FGD5: variants seen among roughly 807,000 people sequenced by gnomAD.
FGD5 encodes FYVE, RhoGEF and PH domain-containing protein 5.
In FGD5, 28 loss-of-function variants were observed where a neutral mutation model predicts 133.4. The ratio of observed to expected loss-of-function variants is 0.21; its 90% confidence interval spans 0.16 to 0.29. FGD5 has a LOEUF of 0.29. FGD5 is among the 10% of genes least tolerant of loss of function. The pLI is 1.00. For synonymous variants in FGD5, 810 were observed against 776.5 expected (o/e 1.04, Z -0.72); for missense variants, 1,858 against 1,895.2 (o/e 0.98, Z 0.36).
chr3:14,927,180 G>C (rs577364336), intron 18 of FGD5, among the ~76,000 whole-genome samples: 4 of 152,352 alleles, frequency 2.6e-5, no homozygotes, highest in Non-Finnish European at 5.9e-5. Context: ...CCATAGGCCT[G>C]AGCGGCTTGG....
intron 2 of FGD5, among the ~76,000 whole-genome samples, chr3:14,870,460 C>T (rs971870231): frequency 9.9e-5 from 15 of 152,198 alleles, no homozygotes; most frequent in African/African-American, 3.4e-4. Context: ...ACCCCTCTTA[C>T]ACAAGCCCTG....
intron 1 of FGD5, among the ~76,000 whole-genome samples, chr3:14,848,075 A>C (rs2037085215): frequency 6.6e-6 from 1 of 152,132 alleles, no homozygotes; most frequent in African/African-American, 2.4e-5. Flanking sequence ...GGTCCTCCCC[A>C]GGGAGGAAGT....
In FGD5 at chr3:14,821,365, C is replaced by T; in HGVS notation, c.2294C>T (p.Ser765Phe). 6.2e-7 allele frequency: 1 copy of T among 1,614,050 alleles called. No individual in the cohort carries two copies. ...PLPLTKPRSISFPSADTSDYE... is the reference protein window; with the variant it reads ...PLPLTKPRSIFFPSADTSDYE... ...CCACTGACCAAGCCACGGTCCATCT[C>T]CTTCCCCAGCGCTGACACTTCAGAC... The change falls in exon 1 of 20, where the codon TCC becomes TTC. Residue 765 changes from serine to phenylalanine, a missense_variant. This residue lies in a region of FGD5 where 1,824 missense variants were observed against 1,848.9 expected (regional missense o/e 0.99). Coordinates refer to ENST00000285046, the MANE Select transcript of FGD5 (RefSeq NM_152536.4).
intron 11 of FGD5, among the ~76,000 whole-genome samples, chr3:14,916,965 A>G (rs939420290): frequency 2.0e-5 from 3 of 152,244 alleles, no homozygotes; most frequent in African/African-American, 7.2e-5. Context: ...GCAGATAGAC[A>G]TTGGAATTGT....
chr3:14,836,591 A>G (rs1019414293), intron 1 of FGD5, among the ~76,000 whole-genome samples: 1 of 152,048 alleles, frequency 6.6e-6, no homozygotes, highest in Non-Finnish European at 1.5e-5. Context: ...CTCAGCCTTG[A>G]GGGTGGGAGG....
chr3:14,818,861 A>C (rs181715363), upstream of FGD5: 1,950 of 1,328,456 alleles, frequency 1.5e-3, 23 homozygotes, highest in African/African-American at 0.024. Context: ...GGACGGAACC[A>C]TCTGTGGCGT....
At chr3:14,919,478 C>T (rs188712588) in intron 13 of FGD5, among the ~76,000 whole-genome samples, 55 of 152,216 alleles carry the variant, frequency 3.6e-4, no homozygotes, top group Middle Eastern at 3.4e-3. Context: ...ATTAGCCGGG[C>T]GTGGTGGCAG....
In FGD5 at chr3:14,820,208, G is replaced by A; in HGVS notation, c.1137G>A (p.Lys379=). 1 of 1,611,780 alleles carries A rather than the reference G, an allele frequency of 6.2e-7. No individual in the cohort carries two copies. The highest frequency in any genetic ancestry group is 1.3e-5 in the African/African-American group (1 of 74,984). The part of the protein sequence containing the change: ...AKGLESEQAP[K]LGLRAEENPM... ...GTTTAGAATCAGAGCAGGCACCAAAGCTGGGGCTGCGTGCGGAGGAGAACC... is the reference window on the plus strand; with the variant it reads ...GTTTAGAATCAGAGCAGGCACCAAAACTGGGGCTGCGTGCGGAGGAGAACC... The change falls in exon 1 of 20, where the codon AAG becomes AAA. Residue 379 remains lysine (K), a synonymous_variant. Transcript: ENST00000285046.
Position 14,820,390 on chromosome 3 carries a change from C to T in FGD5, c.1319C>T (p.Ala440Val), listed in dbSNP as rs776874607. Residue 440 changes from alanine (A) to valine (V), a missense_variant, in exon 1 of 20, where the codon GCG (alanine) becomes GTG (valine). Around this residue, in one of 3 missense-constraint regions of FGD5, gnomAD observed 1,824 missense variants for 1,848.9 expected, o/e 0.99. Coordinates refer to ENST00000285046, the MANE Select transcript of FGD5 (RefSeq NM_152536.4). Reference protein sequence around the residue: ...YVMGVGLPGQAAPGEGGQAAS... With the variant: ...YVMGVGLPGQVAPGEGGQAAS... ...ATGGGAGTGGGCCTGCCCGGTCAGG[C>T]GGCCCCTGGAGAAGGAGGGCAGGCT... The T allele has an allele frequency of 1.1e-5, 18 of 1,613,642 alleles. No homozygotes were observed. Among genetic ancestry groups the T allele is most frequent in the African/African-American group, 9.3e-5 (7 of 74,898 alleles).
At chr3:14,884,914 T>A (rs761988128) in intron 4 of FGD5, among the ~76,000 whole-genome samples, 4 of 151,944 alleles carry the variant, frequency 2.6e-5, no homozygotes, top group Admixed American at 2.0e-4. Context: ...GCTGGAGGCA[T>A]TCACTCCCTG....
At chr3:14,877,386 G>A (rs1012996989) in intron 2 of FGD5, among the ~76,000 whole-genome samples, 2 of 152,236 alleles carry the variant, frequency 1.3e-5, no homozygotes, top group Non-Finnish European at 2.9e-5. Context: ...AGAGGGGCCC[G>A]TGTCTGGACC....
chr3:14,931,313 A>G (rs968101777), intron 18 of FGD5: 2 of 152,286 alleles, frequency 1.3e-5, no homozygotes, highest in Admixed American at 6.5e-5. Flanking sequence ...TGATCTAGCA[A>G]TCCTTGAGAA....
intron 1 of FGD5, among the ~76,000 whole-genome samples, chr3:14,829,864 T>G (rs1490509182): frequency 2.0e-5 from 3 of 152,182 alleles, no homozygotes; most frequent in Non-Finnish European, 2.9e-5. Context: ...CATAAATATT[T>G]TGCTGAAGTG....
chr3:14,909,954 C>T (rs1329854221), intron 10 of FGD5, among the ~76,000 whole-genome samples: 1 of 151,832 alleles, frequency 6.6e-6, no homozygotes, highest in Non-Finnish European at 1.5e-5. Flanking sequence ...TTAGTAGAGA[C>T]AGAGTTTCAC....
chr3:14,908,986 A>T (rs2125142377), intron 10 of FGD5, among the ~76,000 whole-genome samples: 1 of 149,320 alleles, frequency 6.7e-6, no homozygotes, highest in East Asian at 2.0e-4. Context: ...TCATTCATTC[A>T]TTCTTTTGAG....
intron 4 of FGD5, among the ~76,000 whole-genome samples, chr3:14,895,362 A>G (rs1168665175): frequency 2.6e-5 from 4 of 152,200 alleles, no homozygotes; most frequent in African/African-American, 9.6e-5. Flanking sequence ...TCTTTAATCC[A>G]TTTTGATTTG....
At chr3:14,821,623 G>T in intron 1 of FGD5, 27 bp downstream of exon 1, 1 of 1,531,718 alleles carries the variant, frequency 6.5e-7, no homozygotes. Context: ...TTCCTTTCTT[G>T]TTCGGCAGCT....
intron 11 of FGD5, among the ~76,000 whole-genome samples, chr3:14,912,585 C>T (rs2038470776): frequency 6.6e-6 from 1 of 152,214 alleles, no homozygotes; most frequent in East Asian, 1.9e-4. Flanking sequence ...GGGGAGCTCA[C>T]TGCCTGCTGT....
Position 14,917,399 on chromosome 3 carries a change from C to A in FGD5, c.3489+67C>A. 1 of 1,429,434 alleles carries A rather than the reference C, an allele frequency of 7.0e-7. No homozygotes were observed. The highest frequency in any genetic ancestry group is 1.9e-5 in the Admixed American group (1 of 51,444). 88.5% of individuals were successfully genotyped at this position (1,429,434 alleles called of 1,614,324 possible). On this transcript the variant is annotated intron_variant, in intron 12 of 19. Transcript: ENST00000285046. The surrounding 1 kb of genome is among the most constrained non-coding windows in gnomAD (Gnocchi z 4.1). ...GAGACCCCAGGGGAGAAGGGGACAGCATCCTGCTCCCAGGAGCACCCAGAC... is the reference window on the plus strand; with the variant it reads ...GAGACCCCAGGGGAGAAGGGGACAGAATCCTGCTCCCAGGAGCACCCAGAC...
Sources: gnomAD v4.1 joint callset for allele counts (sites outside exome capture counted in the v4.1 genomes callset) on GRCh38, gnomAD v4.1.1 for gene constraint, gnomAD v4.1.1 regional missense constraint, Gnocchi (gnomAD v3.1) non-coding constraint, MANE v1.5 for transcripts, NCBI Gene and HGNC (gene_info 2026-07-23, HGNC 2026-07-21) for gene names.